CDH8: variants seen among roughly 807,000 people sequenced by gnomAD.
CDH8 encodes the protein cadherin-8.
Under a neutral mutation model 68.1 loss-of-function variants are expected in CDH8, and 17 were observed. The observed-to-expected ratio is 0.25, with a 90% CI of 0.17 to 0.37. The LOEUF is 0.37. Ranked by LOEUF, CDH8 falls within the 10% of genes least tolerant of loss-of-function variation. CDH8 has a pLI of 1.00. For missense variants in CDH8, 763 were observed against 999.3 expected, an observed-to-expected ratio of 0.76 and a Z score of 3.19; for synonymous variants, 372 against 365.1, an observed-to-expected ratio of 1.02 and a Z score of -0.21.
chr16:61,670,184 G>A (rs1963762792), intron 10 of CDH8, among the ~76,000 whole-genome samples: 1 of 151,948 alleles, frequency 6.6e-6, no homozygotes, highest in African/African-American at 2.4e-5. Context: ...CCTTACAAAT[G>A]TAGAAAAGTC....
At chr16:61,662,355 G>A (rs1393943627) in intron 10 of CDH8, among the ~76,000 whole-genome samples, 1 of 151,320 alleles carries the variant, frequency 6.6e-6, no homozygotes, top group Non-Finnish European at 1.5e-5. Context: ...TTATCTTTTT[G>A]AGCAGAGTAA....
chr16:61,919,537 A>G (rs2143389184), intron 2 of CDH8, among the ~76,000 whole-genome samples: 1 of 149,624 alleles, frequency 6.7e-6, no homozygotes, highest in Non-Finnish European at 1.5e-5. Context: ...TCAGGAGCCG[A>G]TGAGATCAAC....
intron 4 of CDH8, among the ~76,000 whole-genome samples, chr16:61,846,781 T>C (rs1962814946): frequency 6.6e-6 from 1 of 152,166 alleles, no homozygotes; most frequent in Admixed American, 6.6e-5. Context: ...TTCTGCTTAA[T>C]TTTTGGAACA....
At chr16:61,685,357 A>G (rs1334220999) in intron 10 of CDH8, among the ~76,000 whole-genome samples, 1 of 151,904 alleles carries the variant, frequency 6.6e-6, no homozygotes, top group Non-Finnish European at 1.5e-5. Context: ...ATCTGATTTT[A>G]AAGGAGACAT....
rs934162594 is a variant in CDH8, at chr16:61,684,112, T to A, written c.1655-28391A>T. Among the ~76,000 whole-genome samples the A allele has an allele frequency of 1.2e-4, 19 of 152,150 alleles. No homozygotes were observed. The East Asian group carries it at 3.3e-3, about 26-fold the overall frequency. ...GTGTCTTGATAATTCCCTTTTCCCC[T>A]TACTCTCTTACAAATATATGGGATT... On this transcript the variant is annotated intron_variant, in intron 10 of 11. Coordinates refer to ENST00000577390, the MANE Select transcript of CDH8 (RefSeq NM_001796.5).
intron 8 of CDH8, among the ~76,000 whole-genome samples, chr16:61,758,361 A>G (rs1173459966): frequency 2.0e-5 from 3 of 152,174 alleles, no homozygotes; most frequent in African/African-American, 7.2e-5. Context: ...GAATAGAGAT[A>G]AATCAGTTAA....
chr16:61,724,508 C>A (rs573609842), intron 9 of CDH8, among the ~76,000 whole-genome samples: 1 of 150,422 alleles, frequency 6.6e-6, no homozygotes, highest in Non-Finnish European at 1.5e-5. Context: ...AATGGCTTAT[C>A]CTTCCTTGAT....
chr16:61,732,254 A>G lies in CDH8; in HGVS notation c.1415-5039T>C, dbSNP rs139630691. ...TGAGAAACACTAGCCTGTATATCCT[A>G]AAACTTCCCCAACAAACTCTAAGTA... On this transcript the variant is annotated intron_variant, in intron 8 of 11. Transcript: ENST00000577390. 6.0e-3 allele frequency among the ~76,000 whole-genome samples: 908 copies of G among 151,932 alleles called. 10 individuals carry two copies. Among genetic ancestry groups the G allele is most frequent in the African/African-American group, 0.021 (860 of 41,510 alleles).
intron 8 of CDH8, among the ~76,000 whole-genome samples, chr16:61,770,408 C>T (rs2142984908): frequency 6.6e-6 from 1 of 151,994 alleles, no homozygotes; most frequent in Non-Finnish European, 1.5e-5. Flanking sequence ...GAAACAGCTT[C>T]TCCAGCCATT....
chr16:61,702,358 C>A (rs1236639892), intron 10 of CDH8, among the ~76,000 whole-genome samples: 2 of 148,766 alleles, frequency 1.3e-5, no homozygotes, highest in East Asian at 2.0e-4. Context: ...GGCGACAGAG[C>A]GAGACTCCGT....
At chr16:61,963,594 A>G (rs1259408339) in intron 2 of CDH8, among the ~76,000 whole-genome samples, 1 of 152,232 alleles carries the variant, frequency 6.6e-6, no homozygotes, top group Non-Finnish European at 1.5e-5. Flanking sequence ...TTTAATACTC[A>G]CTAAAAATTA....
Position 61,968,638 on chromosome 16 carries a change from T to C in CDH8, c.252+52514A>G, listed in dbSNP as rs551558610. Among the ~76,000 whole-genome samples, 37 of 152,384 alleles carry C rather than the reference T, an allele frequency of 2.4e-4. 1 individual carries two copies. The South Asian group carries it at 4.8e-3, about 20-fold the overall frequency. On this transcript the variant is annotated intron_variant, in intron 2 of 11. Coordinates refer to ENST00000577390, the MANE Select transcript of CDH8 (RefSeq NM_001796.5). ...ATAGACTTTCTGCAGCTTAATTTAA[T>C]AAATGAGGCATCGTTTTTTAGACTC... is the stretch of plus-strand genomic sequence containing the variant.
At chr16:61,954,868 T>C (rs1006118683) in intron 2 of CDH8, among the ~76,000 whole-genome samples, 1 of 152,184 alleles carries the variant, frequency 6.6e-6, no homozygotes, top group Non-Finnish European at 1.5e-5. Context: ...AAGTGAAATA[T>C]CTAAGCAATA....
At position 61,868,949 on chromosome 16, in the gene CDH8, G is replaced by A. The variant is rs551252792; in HGVS notation, c.548-11711C>T. On this transcript the variant is annotated intron_variant, in intron 3 of 11. Coordinates refer to ENST00000577390, the MANE Select transcript of CDH8 (RefSeq NM_001796.5). ...TCAAATTGGGAGGATGAAAAGAGGA[G>A]GGAGAGAGAGTGAGATAAGAGAAAG... is the stretch of plus-strand genomic sequence containing the variant. 4.3e-4 allele frequency among the ~76,000 whole-genome samples: 66 copies of A among 152,238 alleles called. No homozygotes were observed. The Middle Eastern group carries it at 0.02, about 47-fold the overall frequency.
At chr16:61,841,204 CT>C (rs554455235) in intron 4 of CDH8, among the ~76,000 whole-genome samples, 2 of 152,038 alleles carry the variant, frequency 1.3e-5, no homozygotes, top group East Asian at 3.9e-4. Context: ...TTCTTATTTC[CT>C]TTTTTTGGGT....
intron 10 of CDH8, among the ~76,000 whole-genome samples, chr16:61,708,737 T>C (rs1344080991): frequency 6.6e-6 from 1 of 152,208 alleles, no homozygotes; most frequent in Admixed American, 6.5e-5. Flanking sequence ...AACAATAAAC[T>C]ATAAATTACT....
At chr16:61,701,444 T>G (rs1468568552) in intron 10 of CDH8, among the ~76,000 whole-genome samples, 2 of 152,242 alleles carry the variant, frequency 1.3e-5, no homozygotes, top group Admixed American at 6.5e-5. Context: ...TTTCATTTAA[T>G]GCATTTGAGA....
intron 4 of CDH8, among the ~76,000 whole-genome samples, chr16:61,846,297 G>A (rs1419324793): frequency 6.6e-6 from 1 of 151,928 alleles, no homozygotes; most frequent in East Asian, 1.9e-4. Flanking sequence ...TGGATAATAA[G>A]CAAGAAAACA....
chr16:61,665,472 G>A (rs1963646809), intron 10 of CDH8, among the ~76,000 whole-genome samples: 1 of 151,864 alleles, frequency 6.6e-6, no homozygotes, highest in Admixed American at 6.6e-5. Flanking sequence ...ATGGACACAG[G>A]CAGGGAAACA....
Sources: allele counts gnomAD v4.1 joint callset (sites outside exome capture counted in the v4.1 genomes callset), GRCh38; gene constraint gnomAD v4.1.1; transcripts MANE v1.5; gene names NCBI Gene and HGNC (gene_info 2026-07-23, HGNC 2026-07-21).